The following C10orf90 variants were observed in gnomAD, a reference collection of about 807,000 sequenced individuals.
The protein encoded by C10orf90 is (E2-independent) E3 ubiquitin-conjugating enzyme FATS.
A neutral mutation model predicts 62.5 loss-of-function variants in C10orf90; 56 were observed. The ratio of observed to expected loss-of-function variants is 0.90; its 90% confidence interval spans 0.72 to 1.12. C10orf90 has a LOEUF of 1.12. C10orf90 is among the 50% of genes most tolerant of loss of function. The probability of loss-of-function intolerance (pLI) is 0.00; values close to 1 mark genes in which losing one functional copy is unlikely to be tolerated. For missense variants in C10orf90, 970 were observed against 880.4 expected (o/e 1.10, Z -1.29); for synonymous variants, 386 against 340.4 (o/e 1.13, Z -1.47).
intron 2 of C10orf90, among the ~76,000 whole-genome samples, chr10:126,551,953 C>T (rs557552182): frequency 1.1e-3 from 162 of 152,288 alleles, no homozygotes; most frequent in Admixed American, 3.4e-3. Context: ...AGTTACTCCT[C>T]CCATTTTCCA....
rs1312576050 is a variant in C10orf90 at position 126,456,593 on chromosome 10, G to T, written c.2188+2447C>A. On this transcript the variant is annotated intron_variant, in intron 7 of 9. Coordinates refer to ENST00000488181, the MANE Select transcript of C10orf90 (RefSeq NM_001350921.2). This position sits in a 1 kb window ranked among gnomAD's most constrained non-coding sequence, Gnocchi z 4.9. ...TGATGTCGCCCCAACAAAAAGATATGTTTAAGTCCTAATCCCCCATAACTC... is the reference window on the plus strand; with the variant it reads ...TGATGTCGCCCCAACAAAAAGATATTTTTAAGTCCTAATCCCCCATAACTC... 6.6e-6 allele frequency among the ~76,000 whole-genome samples: 1 copy of T among 152,230 alleles called. No homozygotes were observed. The highest frequency in any genetic ancestry group is 1.5e-5 in the Non-Finnish European group (1 of 68,048).
intron 3 of C10orf90, among the ~76,000 whole-genome samples, chr10:126,505,985 C>CA (rs1032641641): frequency 3.9e-5 from 6 of 151,926 alleles, no homozygotes; most frequent in Admixed American, 6.6e-5. Flanking sequence ...AACAAACAAT[C>CA]AAAAAAAATC....
intron 2 of C10orf90, among the ~76,000 whole-genome samples, chr10:126,646,311 C>G (rs1846169751): frequency 6.6e-6 from 1 of 152,246 alleles, no homozygotes; most frequent in Non-Finnish European, 1.5e-5. Flanking sequence ...CCACGCTCTG[C>G]AGGGAGCTCA....
At chr10:126,578,107 T>C (rs1197322927) in intron 2 of C10orf90, among the ~76,000 whole-genome samples, 1 of 152,174 alleles carries the variant, frequency 6.6e-6, no homozygotes, top group African/African-American at 2.4e-5. Context: ...AGAAAATAAT[T>C]GCTTTATTCA....
At chr10:126,561,243 G>A (rs561923927) in intron 2 of C10orf90, among the ~76,000 whole-genome samples, 7 of 152,264 alleles carry the variant, frequency 4.6e-5, no homozygotes, top group African/African-American at 1.7e-4. Flanking sequence ...ATAACCTGCC[G>A]CTGTTTCCAA....
At chr10:126,503,295 G>C (rs990654944) in intron 4 of C10orf90, among the ~76,000 whole-genome samples, 10 of 152,206 alleles carry the variant, frequency 6.6e-5, no homozygotes, top group Non-Finnish European at 8.8e-5. Flanking sequence ...GGAAATGGCA[G>C]AAACAGCAAC....
intron 7 of C10orf90, among the ~76,000 whole-genome samples, chr10:126,442,499 A>G (rs1379291858): frequency 2.2e-4 from 25 of 111,834 alleles, no homozygotes; most frequent in African/African-American, 9.0e-4. Context: ...ATATATATAT[A>G]TATATATATC....
At chr10:126,532,036 T>C (rs561631001) in intron 2 of C10orf90, among the ~76,000 whole-genome samples, 288 of 152,332 alleles carry the variant, frequency 1.9e-3, no homozygotes, top group African/African-American at 6.7e-3. Context: ...TAGCTGTGTG[T>C]AGCATATAAA....
At chr10:126,499,814 G>GTATT (rs1266932054) in intron 4 of C10orf90, among the ~76,000 whole-genome samples, 2 of 152,166 alleles carry the variant, frequency 1.3e-5, no homozygotes, top group African/African-American at 4.8e-5. Flanking sequence ...TGTGGACAGC[G>GTATT]TATTCACTAG....
chr10:126,612,398 A>G lies in C10orf90; in HGVS notation c.313+34167T>C, dbSNP rs138375894. On this transcript the variant is annotated intron_variant, in intron 2 of 9. Transcript: ENST00000488181. ...ACATTGGACAGTACAGATCTAACAC[A>G]TTTCCATCATTGTAGAAAGTTCTAT... Among the ~76,000 whole-genome samples the G allele has an allele frequency of 4.6e-3, 705 of 152,286 alleles. 2 individuals are homozygous for G. Among genetic ancestry groups the G allele is most frequent in the Non-Finnish European group, 6.9e-3 (469 of 68,026 alleles).
At chr10:126,628,204 A>G (rs951422202) in intron 2 of C10orf90, among the ~76,000 whole-genome samples, 1 of 152,214 alleles carries the variant, frequency 6.6e-6, no homozygotes, top group African/African-American at 2.4e-5. Context: ...AAATGAGACA[A>G]GGCAGCCTCT....
At chr10:126,455,305 G>GTGT (rs1859474202) in intron 7 of C10orf90, among the ~76,000 whole-genome samples, 1 of 152,000 alleles carries the variant, frequency 6.6e-6, no homozygotes, top group African/African-American at 2.4e-5. Context: ...TCTTCACTGC[G>GTGT]TGTTCCCTTC....
chr10:126,479,518 G>A (rs946416048), intron 4 of C10orf90, among the ~76,000 whole-genome samples: 29 of 152,322 alleles, frequency 1.9e-4, no homozygotes, highest in African/African-American at 7.0e-4. Flanking sequence ...GCGAGGCCCT[G>A]ATTGTTCAAT....
At chr10:126,611,193 T>C (rs1845425427) in intron 2 of C10orf90, among the ~76,000 whole-genome samples, 1 of 152,196 alleles carries the variant, frequency 6.6e-6, no homozygotes, top group African/African-American at 2.4e-5. Context: ...ATCTACTTTC[T>C]GGCTCTATGG....
At chr10:126,602,248 G>A (rs933814856) in intron 2 of C10orf90, among the ~76,000 whole-genome samples, 1 of 152,214 alleles carries the variant, frequency 6.6e-6, no homozygotes, top group Non-Finnish European at 1.5e-5. Flanking sequence ...CAATAGGGTT[G>A]CTGGATGCAC....
chr10:126,557,297 C>T (rs542132588), intron 2 of C10orf90, among the ~76,000 whole-genome samples: 18 of 151,912 alleles, frequency 1.2e-4, no homozygotes, highest in South Asian at 4.2e-4. Flanking sequence ...CTGGCTAACA[C>T]GGTGAAATCC....
At chr10:126,561,340 T>C (rs771495509) in intron 2 of C10orf90, among the ~76,000 whole-genome samples, 2 of 152,266 alleles carry the variant, frequency 1.3e-5, no homozygotes, top group Admixed American at 6.5e-5. Flanking sequence ...CACCACACAT[T>C]TCATTCAAGC....
intron 7 of C10orf90, among the ~76,000 whole-genome samples, chr10:126,438,751 TTGTGTG>T (rs5788786): frequency 4.7e-3 from 703 of 150,754 alleles, no homozygotes; most frequent in African/African-American, 0.011. Flanking sequence ...TGTATGTATG[TTGTGTG>T]TGTGTGTGTG....
chr10:126,649,477 G>T (rs894507293), intron 1 of C10orf90, among the ~76,000 whole-genome samples: 1 of 151,866 alleles, frequency 6.6e-6, no homozygotes, highest in Non-Finnish European at 1.5e-5. Context: ...TTGGTCACAC[G>T]CTCACCCACC....
Sources: allele counts gnomAD v4.1 joint callset (sites outside exome capture counted in the v4.1 genomes callset), GRCh38; gene constraint gnomAD v4.1.1; non-coding constraint Gnocchi (gnomAD v3.1); transcripts MANE v1.5; gene names NCBI Gene and HGNC (gene_info 2026-07-23, HGNC 2026-07-21).